PPM1B: variants seen among roughly 807,000 people sequenced by gnomAD.
PPM1B encodes protein phosphatase, Mg2+/Mn2+ dependent 1B, also known as protein phosphatase 1B.
In PPM1B, 22 loss-of-function variants were observed where a neutral mutation model predicts 43.0. The ratio of observed to expected loss-of-function variants is 0.51; its 90% CI spans 0.37 to 0.73. PPM1B has a LOEUF of 0.73. PPM1B is among the 30% of genes least tolerant of loss of function. The probability of loss-of-function intolerance (pLI) is 0.00; values close to 1 mark genes in which losing one functional copy is unlikely to be tolerated. For synonymous variants in PPM1B, 217 were observed against 197.9 expected, an observed-to-expected ratio of 1.10 and a Z score of -0.81; for missense variants, 632 against 584.2, an observed-to-expected ratio of 1.08 and a Z score of -0.84.
At chr2:44,179,413 C>T (rs923111165) in intron 1 of PPM1B, among the ~76,000 whole-genome samples, 20 of 152,120 alleles carry the variant, frequency 1.3e-4, no homozygotes, top group African/African-American at 3.6e-4. Flanking sequence ...CTACTAGCCC[C>T]GAGTGGTTAG....
At chr2:44,220,438 T>TG (rs1396878580) in intron 5 of PPM1B, among the ~76,000 whole-genome samples, 5 of 152,136 alleles carry the variant, frequency 3.3e-5, no homozygotes. Context: ...AACGGAACTA[T>TG]GAAACTGGGG....
intron 5 of PPM1B, chr2:44,219,085 C>G (rs1033121887): frequency 2.0e-5 from 4 of 197,072 alleles, no homozygotes; most frequent in African/African-American, 9.6e-5. Context: ...CAGAGCAAGA[C>G]TCTATGCCCT....
At chr2:44,215,224 T>C (rs1669666547) in intron 3 of PPM1B, among the ~76,000 whole-genome samples, 1 of 152,198 alleles carries the variant, frequency 6.6e-6, no homozygotes, top group Admixed American at 6.5e-5. Flanking sequence ...CCTATAATTC[T>C]TGGGATGCCG....
chr2:44,213,743 A>G (rs957845516), intron 3 of PPM1B: 1 of 152,178 alleles, frequency 6.6e-6, no homozygotes, highest in Admixed American at 6.5e-5. Flanking sequence ...AGGGTGATGA[A>G]AACGTGAGAA....
intron 5 of PPM1B, among the ~76,000 whole-genome samples, chr2:44,222,209 T>C (rs756815344): frequency 1.8e-4 from 28 of 152,100 alleles, no homozygotes; most frequent in Non-Finnish European, 3.5e-4. Context: ...TGGGACTTGA[T>C]CTGATTCATT....
chr2:44,179,656 T>G (rs1280415308), intron 1 of PPM1B, among the ~76,000 whole-genome samples: 1 of 152,142 alleles, frequency 6.6e-6, no homozygotes, highest in Non-Finnish European at 1.5e-5. Flanking sequence ...TAAGAGTTTT[T>G]AGATATTAGA....
chr2:44,189,087 G>T (rs1668281002), intron 1 of PPM1B, among the ~76,000 whole-genome samples: 1 of 152,116 alleles, frequency 6.6e-6, no homozygotes, highest in East Asian at 1.9e-4. Context: ...GCCCAGGCTG[G>T]TCTTGAACTC....
chr2:44,234,273 C>A, downstream of PPM1B: 1 of 938,514 alleles, frequency 1.1e-6, no homozygotes, highest in Non-Finnish European at 1.3e-6. Flanking sequence ...GTAATCCCAG[C>A]ACTTTGGGAG....
chr2:44,211,693 C>T (rs530165001), intron 3 of PPM1B, among the ~76,000 whole-genome samples: 2 of 147,134 alleles, frequency 1.4e-5, no homozygotes, highest in East Asian at 2.0e-4. Flanking sequence ...CATCCATTTG[C>T]GATTTTTGCC....
At chr2:44,177,764 G>A (rs922825895) in intron 1 of PPM1B, among the ~76,000 whole-genome samples, 2 of 151,410 alleles carry the variant, frequency 1.3e-5, no homozygotes, top group Non-Finnish European at 2.9e-5. Context: ...TTTAAGAGGT[G>A]TATGTACATG....
intron 3 of PPM1B, among the ~76,000 whole-genome samples, chr2:44,214,330 A>C (rs957356138): frequency 1.3e-5 from 2 of 151,744 alleles, no homozygotes; most frequent in Non-Finnish European, 2.9e-5. Context: ...CGGCCTCCCA[A>C]AGTGCTGGGA....
chr2:44,218,140 T>A, intron 4 of PPM1B, 62 bp downstream of exon 4: 1 of 1,207,700 alleles, frequency 8.3e-7, no homozygotes, highest in Non-Finnish European at 1.2e-6. Flanking sequence ...TAATTTGGGG[T>A]AAAAAAACTT....
intron 1 of PPM1B, among the ~76,000 whole-genome samples, chr2:44,200,293 C>G (rs1186524133): frequency 1.3e-5 from 2 of 152,156 alleles, no homozygotes; most frequent in Admixed American, 6.5e-5. Flanking sequence ...CCAGAGAATT[C>G]TTTTGCATAC....
At chr2:44,186,823 G>A (rs1572695272) in intron 1 of PPM1B, among the ~76,000 whole-genome samples, 1 of 152,226 alleles carries the variant, frequency 6.6e-6, no homozygotes, top group South Asian at 2.1e-4. Flanking sequence ...TCTTCTTTTT[G>A]TGTAGATGAC....
At chr2:44,231,915 A>G (rs4953073), downstream of PPM1B, among the ~76,000 whole-genome samples, 24,526 of 152,174 alleles carry the variant, frequency 0.16, 2,474 homozygotes, top group East Asian at 0.48. Context: ...TTTAAAAATT[A>G]TTTTATAACT....
chr2:44,209,408 G>A, intron 3 of PPM1B, 81 bp downstream of exon 3: 5 of 1,460,726 alleles, frequency 3.4e-6, no homozygotes, highest in Non-Finnish European at 3.7e-6. Flanking sequence ...TTGTCGCCTG[G>A]GCGACACACC....
chr2:44,199,312 AAAAAAT>A (rs1171229849), intron 1 of PPM1B, among the ~76,000 whole-genome samples: 14 of 130,166 alleles, frequency 1.1e-4, no homozygotes, highest in Admixed American at 3.7e-4. Context: ...TCAAAAAAAA[AAAAAAT>A]AAAAATAAAA....
chr2:44,201,236 C>G lies in PPM1B; in HGVS notation c.37C>G (p.His13Asp). Reference protein sequence around the residue: ...AFLDKPKTEKHNAHGAGNGLR... With the variant: ...AFLDKPKTEKDNAHGAGNGLR... ...TTTGGATAAACCCAAAACTGAAAAA[C>G]ATAATGCTCATGGTGCTGGGAATGG... Residue 13 changes from histidine (H) to aspartate (D), a missense_variant, in exon 2 of 6, where the codon CAT becomes GAT. By Grantham distance (81) the His-to-Asp change is moderately conservative. Around this residue, in one of 3 missense-constraint regions of PPM1B, gnomAD observed 200 missense variants for 200.7 expected, o/e 1.00. Transcript: ENST00000282412. The surrounding 1 kb of genome is among the most constrained non-coding windows in gnomAD (Gnocchi z 5.4). 1 of 1,606,150 alleles carries G rather than the reference C, an allele frequency of 6.2e-7. No homozygotes were observed. The highest frequency in any genetic ancestry group is 8.5e-7 in the Non-Finnish European group (1 of 1,175,792).
rs1670447157 is a variant in PPM1B at position 44,230,979 on chromosome 2, T to A, written c.*261T>A. The A allele has an allele frequency of 9.4e-7, 1 of 1,064,474 alleles. No individual in the cohort carries two copies. Among genetic ancestry groups the A allele is most frequent in the Non-Finnish European group, 1.2e-6 (1 of 863,344 alleles). The allele number at this position is 1,064,474 out of a possible 1,614,324, so 65.9% of individuals were successfully genotyped here. Reference sequence around the variant, plus strand: ...AGAAATTAGGCTACCAATTATGAATTAAAGTCAGTAGTTAAATTAATACTA... The same window carrying A: ...AGAAATTAGGCTACCAATTATGAATAAAAGTCAGTAGTTAAATTAATACTA... On this transcript the variant is annotated 3_prime_UTR_variant, in exon 6 of 6. Transcript: ENST00000282412.
Sources: allele counts gnomAD v4.1 joint callset (sites outside exome capture counted in the v4.1 genomes callset), GRCh38; gene constraint gnomAD v4.1.1; regional missense constraint gnomAD v4.1.1; non-coding constraint Gnocchi (gnomAD v3.1); transcripts MANE v1.5; gene names NCBI Gene and HGNC (gene_info 2026-07-23, HGNC 2026-07-21).